HDGF: variants seen among roughly 807,000 people sequenced by gnomAD.
The protein encoded by HDGF is hepatoma-derived growth factor.
HDGF carries 5 observed loss-of-function variants against 30.0 expected under a neutral mutation model. The observed-to-expected ratio is 0.17, with a 90% CI of 0.09 to 0.35. The LOEUF is 0.35. Ranked by LOEUF, HDGF falls within the 10% of genes least tolerant of loss-of-function variation. The pLI, the probability that HDGF is intolerant of heterozygous loss-of-function variation, is 1.00. For missense variants in HDGF, 214 were observed against 302.8 expected, an observed-to-expected ratio of 0.71 and a Z score of 2.18; for synonymous variants, 133 against 112.7, an observed-to-expected ratio of 1.18 and a Z score of -1.14.
Position 156,743,741 on chromosome 1 carries a change from C to G in HDGF, c.627G>C (p.Gly209=). The change falls in exon 5 of 6, where the codon GGG becomes GGC. Residue 209 remains glycine (G), a synonymous_variant. Coordinates refer to ENST00000357325, the MANE Select transcript of HDGF (RefSeq NM_004494.3). ...CCTCCTCTTCTTCCTCTTGGGGAGG[C>G]CCCCGGCCAGAGCCGGGCTCAGAGG... ...STPSEPGSGR[G]PPQEEEEEED... 6.3e-7 allele frequency: 1 copy of G among 1,599,660 alleles called. No homozygotes were observed. Among genetic ancestry groups the G allele is most frequent in the Non-Finnish European group, 8.5e-7 (1 of 1,173,092 alleles).
chr1:156,742,669 T>A lies in HDGF; in HGVS notation c.*780A>T, dbSNP rs1650210425. 1 of 153,866 alleles carries A rather than the reference T, an allele frequency of 6.5e-6. No individual in the cohort carries two copies. Among genetic ancestry groups the A allele is most frequent in the Admixed American group, 6.5e-5 (1 of 15,268 alleles). The allele number at this position is 153,866 out of a possible 1,614,324, so 9.5% of individuals were successfully genotyped here. ...GGACAGCTAGGAGTCTTCCCAAGCA[T>A]CCTATTTGTGGCTTCAGAGATCTAA... On this transcript the variant is annotated 3_prime_UTR_variant, in exon 6 of 6. Transcript: ENST00000357325.
At chr1:156,752,235 G>C (rs1245190472), upstream of HDGF, 2 of 1,551,820 alleles carry the variant, frequency 1.3e-6, no homozygotes, top group Admixed American at 2.0e-5. Flanking sequence ...TTACCGTATG[G>C]GGGGTGGCCC....
At chr1:156,755,233 G>T (rs1278051970), upstream of HDGF, among the ~76,000 whole-genome samples, 1 of 152,204 alleles carries the variant, frequency 6.6e-6, no homozygotes, top group African/African-American at 2.4e-5. Flanking sequence ...AAGCAGATAA[G>T]GTTGTGGGGT....
intron 1 of HDGF, among the ~76,000 whole-genome samples, chr1:156,760,645 T>C (rs1293169073): frequency 6.6e-6 from 1 of 152,136 alleles, no homozygotes; most frequent in African/African-American, 2.4e-5. Flanking sequence ...GGAGGAGTAC[T>C]GAAGATGACA....
At chr1:156,756,023 G>A (rs1468307785), upstream of HDGF, among the ~76,000 whole-genome samples, 3 of 152,208 alleles carry the variant, frequency 2.0e-5, no homozygotes, top group Admixed American at 6.5e-5. Flanking sequence ...GGCCAAGGTG[G>A]GCAGATCACT....
In HDGF at chr1:156,744,304, G is replaced by A. The variant is rs574281896; in HGVS notation, c.348C>T (p.Pro116=). 3.3e-5 allele frequency: 54 copies of A among 1,614,028 alleles called. 1 individual carries two copies. In the South Asian group the frequency reaches 4.2e-4, roughly 12 times the overall value. The part of the protein sequence containing the change: ...KSCVEEPEPE[P]EAAEGDGDKK... The stretch of plus-strand genomic sequence containing the variant: ...TATCACCGTCACCCTCTGCAGCTTC[G>A]GGCTCTGGTTCAGGCTCTTCCACAC... The change falls in exon 4 of 6, where the codon CCC becomes CCT. Residue 116 remains proline (P), a synonymous_variant. Transcript: ENST00000357325.
upstream of HDGF, chr1:156,755,543 A>AT (rs1479876399): frequency 2.0e-5 from 3 of 152,194 alleles, no homozygotes; most frequent in Admixed American, 2.0e-4. Context: ...TCACCTGCTT[A>AT]TTATTAGGTT....
intron 2 of HDGF, among the ~76,000 whole-genome samples, chr1:156,758,618 A>AAAATAAATAAATAC (rs1651194550): frequency 6.8e-6 from 1 of 146,276 alleles, no homozygotes; most frequent in Non-Finnish European, 1.5e-5. Context: ...TAAATAAATA[A>AAAATAAATAAATAC]ATAAAAAAAA....
intron 3 of HDGF, chr1:156,744,691 T>C (rs913694669): frequency 7.1e-5 from 37 of 518,476 alleles, no homozygotes; most frequent in Admixed American, 2.2e-4. Flanking sequence ...CACCTCCTCC[T>C]GGAAGCCTTT....
At chr1:156,747,889 A>G (rs1248176177) in intron 1 of HDGF, among the ~76,000 whole-genome samples, 1 of 152,180 alleles carries the variant, frequency 6.6e-6, no homozygotes, top group African/African-American at 2.4e-5. Context: ...CTTCCCATGG[A>G]AAGCACACTC....
At chr1:156,758,601 AAATAAATAAATAAAT>A (rs2102738196) in intron 2 of HDGF, among the ~76,000 whole-genome samples, 3 of 103,694 alleles carry the variant, frequency 2.9e-5, no homozygotes, top group Non-Finnish European at 4.0e-5. Flanking sequence ...TCAAAAAAAA[AAATAAATAAATAAAT>A]AAATAAAAAA....
At chr1:156,753,740 G>A (rs918896648), upstream of HDGF, among the ~76,000 whole-genome samples, 1 of 151,424 alleles carries the variant, frequency 6.6e-6, no homozygotes, top group African/African-American at 2.4e-5. Flanking sequence ...TAGTAGAGAC[G>A]GGGTTTCACC....
At chr1:156,748,428 A>G (rs1244581531) in intron 1 of HDGF, among the ~76,000 whole-genome samples, 1 of 152,168 alleles carries the variant, frequency 6.6e-6, no homozygotes, top group Non-Finnish European at 1.5e-5. Context: ...AGTCAAGGCT[A>G]ACTGGGTCAG....
In HDGF at chr1:156,748,922, G is replaced by T. The variant is rs540763743; in HGVS notation, c.87+2421C>A. On this transcript the variant is annotated intron_variant, in intron 1 of 5. Transcript: ENST00000357325. ...AGGGGCACCGGGAGGAAAGACGGGTGAGGTCCTGGCTGCCCAGGTTTTCTG... is the reference window on the plus strand; with the variant it reads ...AGGGGCACCGGGAGGAAAGACGGGTTAGGTCCTGGCTGCCCAGGTTTTCTG... 5.3e-5 allele frequency among the ~76,000 whole-genome samples: 8 copies of T among 152,356 alleles called. No individual in the cohort carries two copies. The South Asian group carries it at 1.4e-3, about 28-fold the overall frequency.
rs375226201 is a variant in HDGF, at chr1:156,743,755, C to G, written c.613G>C (p.Gly205Arg). 1 of 1,600,184 alleles carries G rather than the reference C, an allele frequency of 6.2e-7. No individual in the cohort carries two copies. The highest frequency in any genetic ancestry group is 8.5e-7 in the Non-Finnish European group (1 of 1,173,394). ...VEKNSTPSEP[G>R]SGRGPPQEEE... ...TCTTGGGGAGGCCCCCGGCCAGAGCCGGGCTCAGAGGGGGTGCTATTCTTT... is the reference window on the plus strand; with the variant it reads ...TCTTGGGGAGGCCCCCGGCCAGAGCGGGGCTCAGAGGGGGTGCTATTCTTT... Residue 205 changes from glycine to arginine, a missense_variant, in exon 5 of 6, where the codon GGC becomes CGC. Transcript: ENST00000357325.
chr1:156,767,283 AC>A (rs1449908795), upstream of HDGF, among the ~76,000 whole-genome samples: 3 of 152,102 alleles, frequency 2.0e-5, no homozygotes, highest in Non-Finnish European at 4.4e-5. Flanking sequence ...TGCCGTGGTG[AC>A]CGGTGGGGCT....
intron 1 of HDGF, among the ~76,000 whole-genome samples, chr1:156,763,614 C>G (rs1356636882): frequency 6.8e-6 from 1 of 146,510 alleles, no homozygotes; most frequent in Non-Finnish European, 1.5e-5. Context: ...GAGACGGAGT[C>G]TTGCTCTGTT....
intron 1 of HDGF, among the ~76,000 whole-genome samples, chr1:156,750,193 A>G (rs899673075): frequency 2.0e-5 from 3 of 152,164 alleles, no homozygotes; most frequent in Non-Finnish European, 4.4e-5. Context: ...TACACTGAGA[A>G]GAGCACCCCA....
chr1:156,747,259 C>G (rs2102714792), intron 1 of HDGF, among the ~76,000 whole-genome samples: 1 of 60,052 alleles, frequency 1.7e-5, no homozygotes, highest in Non-Finnish European at 4.5e-5. Context: ...CGCCCCCCCC[C>G]CCCCGCCCCG....
Sources: gnomAD v4.1 joint callset for allele counts (sites outside exome capture counted in the v4.1 genomes callset) on GRCh38, gnomAD v4.1.1 for gene constraint, MANE v1.5 for transcripts, NCBI Gene and HGNC (gene_info 2026-07-23, HGNC 2026-07-21) for gene names.